The following TRPC4 variants were observed in gnomAD, a reference collection of about 807,000 sequenced individuals.
TRPC4 encodes the protein transient receptor potential cation channel subfamily C member 4, also known as short transient receptor potential channel 4.
In TRPC4, 49 loss-of-function variants were observed where a neutral mutation model predicts 99.4. The ratio of observed to expected loss-of-function variants is 0.49; its 90% CI spans 0.39 to 0.63. The LOEUF (loss-of-function observed/expected upper bound fraction) is 0.63. Among genes scored for constraint, TRPC4 ranks in the 20% least tolerant of loss-of-function variants. TRPC4 has a pLI of 0.00. For missense variants in TRPC4, 898 were observed against 1,152.9 expected, an observed-to-expected ratio of 0.78 and a Z score of 3.20; for synonymous variants, 454 against 425.9, an observed-to-expected ratio of 1.07 and a Z score of -0.81.
chr13:37,644,979 G>C (rs1179122222), intron 8 of TRPC4, among the ~76,000 whole-genome samples: 29 of 150,314 alleles, frequency 1.9e-4, no homozygotes, highest in Admixed American at 1.9e-3. Context: ...CAGAAAAAAT[G>C]GATTTTGTGA....
chr13:37,692,982 C>T (rs1476265589), intron 3 of TRPC4, among the ~76,000 whole-genome samples: 3 of 152,114 alleles, frequency 2.0e-5, no homozygotes, highest in East Asian at 1.9e-4. Flanking sequence ...CCTAAGTATA[C>T]CTAATTGCCT....
intron 7 of TRPC4, among the ~76,000 whole-genome samples, chr13:37,653,174 AT>A (rs538965727): frequency 2.0e-5 from 3 of 151,958 alleles, no homozygotes; most frequent in Non-Finnish European, 2.9e-5. Context: ...CTACTATATC[AT>A]TTTTTTGTTG....
At chr13:37,863,951 T>C (rs1651885172) in intron 1 of TRPC4, among the ~76,000 whole-genome samples, 1 of 151,782 alleles carries the variant, frequency 6.6e-6, no homozygotes. Flanking sequence ...TTATGAACTA[T>C]GATCCCGGTA....
chr13:37,690,126 G>C (rs1378969861), intron 4 of TRPC4, among the ~76,000 whole-genome samples: 1 of 152,102 alleles, frequency 6.6e-6, no homozygotes, highest in East Asian at 1.9e-4. Context: ...AAACTCTTCT[G>C]TAAGAATTGT....
At chr13:37,771,949 T>C (rs750773279) in intron 2 of TRPC4, among the ~76,000 whole-genome samples, 5 of 151,594 alleles carry the variant, frequency 3.3e-5, no homozygotes, top group Non-Finnish European at 5.9e-5. Context: ...AAGGGTGGAC[T>C]TGTGAGGAGG....
intron 3 of TRPC4, among the ~76,000 whole-genome samples, chr13:37,694,211 GAA>G (rs1417299577): frequency 3.3e-5 from 5 of 152,058 alleles, no homozygotes; most frequent in African/African-American, 1.2e-4. Context: ...TAGGACAGCT[GAA>G]AAGTCTTGAT....
At chr13:37,658,234 A>G (rs1363178058) in intron 6 of TRPC4, among the ~76,000 whole-genome samples, 1 of 152,212 alleles carries the variant, frequency 6.6e-6, no homozygotes, top group Non-Finnish European at 1.5e-5. Flanking sequence ...CAATTTAATT[A>G]AGTGACATTT....
chr13:37,726,095 C>T (rs1021331978), intron 3 of TRPC4, among the ~76,000 whole-genome samples: 4 of 151,824 alleles, frequency 2.6e-5, no homozygotes, highest in Non-Finnish European at 4.4e-5. Context: ...ACTCGGAAGG[C>T]TGAGGTAGGA....
chr13:37,657,070 G>A lies in TRPC4; in HGVS notation c.1689-1787C>T, dbSNP rs141757748. On this transcript the variant is annotated intron_variant, in intron 6 of 10. Coordinates refer to ENST00000379705, the MANE Select transcript of TRPC4 (RefSeq NM_016179.4). ...CTAAATATGCCTAATTGGCATTCAG[G>A]ATGGAAATTGCTTTTTTAAAAAGGT... Among the ~76,000 whole-genome samples the A allele has an allele frequency of 3.9e-5, 6 of 152,278 alleles. No individual in the cohort carries two copies. In the East Asian group the frequency reaches 1.2e-3, roughly 29 times the overall value.
intron 2 of TRPC4, among the ~76,000 whole-genome samples, chr13:37,772,324 T>A (rs548143709): frequency 1.4e-4 from 21 of 149,238 alleles, no homozygotes; most frequent in Admixed American, 6.7e-4. Flanking sequence ...TCAAAAAGAG[T>A]TGGGGGAAAG....
intron 5 of TRPC4, 64 bp from the exon 6 acceptor site, chr13:37,663,793 C>A (rs940808766): frequency 6.6e-5 from 92 of 1,391,432 alleles, no homozygotes; most frequent in Non-Finnish European, 8.8e-5. Flanking sequence ...AGATCAAGGT[C>A]AGACCCAGAA....
intron 3 of TRPC4, among the ~76,000 whole-genome samples, chr13:37,701,051 C>G (rs1954087035): frequency 6.6e-6 from 1 of 152,082 alleles, no homozygotes; most frequent in South Asian, 2.1e-4. Context: ...GCAGAGGCAA[C>G]ACAGTCACCG....
rs1217243613 is a variant in TRPC4, at chr13:37,665,377, A to G, written c.1375-1648T>C. Among the ~76,000 whole-genome samples the G allele has an allele frequency of 3.3e-5, 5 of 152,368 alleles. No homozygotes were observed. The East Asian group carries it at 7.7e-4, about 24-fold the overall frequency. On this transcript the variant is annotated intron_variant, in intron 5 of 10. Transcript: ENST00000379705. ...TAAATTCCTCTTCATTTAACCTAATATAGCTCAGGACTATATTTTAAAATA... is the reference window on the plus strand; with the variant it reads ...TAAATTCCTCTTCATTTAACCTAATGTAGCTCAGGACTATATTTTAAAATA...
At chr13:37,637,723 T>A in intron 10 of TRPC4, 98 bp from the exon 11 acceptor site, 1 of 1,210,534 alleles carries the variant, frequency 8.3e-7, no homozygotes, top group South Asian at 1.6e-5. Flanking sequence ...TTTCACTCCT[T>A]TTTAAAAACA....
chr13:37,662,851 A>G (rs538700273), intron 6 of TRPC4, among the ~76,000 whole-genome samples: 1 of 152,306 alleles, frequency 6.6e-6, no homozygotes, highest in South Asian at 2.1e-4. Flanking sequence ...CTGACAATAG[A>G]CACTGTCTAT....
chr13:37,664,461 C>G (rs1952568581), intron 5 of TRPC4, among the ~76,000 whole-genome samples: 1 of 151,886 alleles, frequency 6.6e-6, no homozygotes, highest in African/African-American at 2.4e-5. Context: ...GTAATCCCAG[C>G]TATTAGGGAG....
intron 6 of TRPC4, among the ~76,000 whole-genome samples, chr13:37,656,401 T>C (rs1373973817): frequency 1.3e-5 from 2 of 152,184 alleles, no homozygotes; most frequent in African/African-American, 4.8e-5. Context: ...ATTGGAATGG[T>C]GTTGCAGAAC....
intron 6 of TRPC4, among the ~76,000 whole-genome samples, chr13:37,662,030 C>G (rs1394596932): frequency 6.6e-6 from 1 of 152,114 alleles, no homozygotes; most frequent in Non-Finnish European, 1.5e-5. Flanking sequence ...AGCTGGAAGG[C>G]CGGCGAAGTG....
rs1954187676 is a variant in TRPC4 at position 37,704,008 on chromosome 13, A to T, written c.898-11673T>A. Among the ~76,000 whole-genome samples, 3 of 152,204 alleles carry T rather than the reference A, an allele frequency of 2.0e-5. No homozygotes were observed. In the South Asian group the frequency reaches 6.2e-4, roughly 32 times the overall value. ...TAAGCAAAATATGGTATATTCATAT[A>T]ATGGAAGATTAGTCAGCAATGAAAA... On this transcript the variant is annotated intron_variant, in intron 3 of 10. Transcript: ENST00000379705.
Sources: gnomAD v4.1 joint callset for allele counts (sites outside exome capture counted in the v4.1 genomes callset) on GRCh38, gnomAD v4.1.1 for gene constraint, MANE v1.5 for transcripts, NCBI Gene and HGNC (gene_info 2026-07-23, HGNC 2026-07-21) for gene names.